Variants in N4BP1 observed in about 807,000 individuals in gnomAD.
N4BP1 encodes the protein NEDD4 binding protein 1.
A neutral mutation model predicts 70.9 loss-of-function variants in N4BP1; 21 were observed. The observed-to-expected ratio is 0.30, with a 90% CI of 0.21 to 0.43. The LOEUF (loss-of-function observed/expected upper bound fraction) is 0.43, where lower values mean the gene tolerates loss of function less well. Ranked by LOEUF, N4BP1 falls within the 20% of genes least tolerant of loss-of-function variation. The pLI, the probability that N4BP1 is intolerant of heterozygous loss-of-function variation, is 1.00. For missense variants in N4BP1, 936 were observed against 1,069.4 expected (o/e 0.88, Z 1.74); for synonymous variants, 387 against 394.6 (o/e 0.98, Z 0.23).
At chr16:48,608,306 A>G (rs1964616331) in intron 1 of N4BP1, among the ~76,000 whole-genome samples, 1 of 152,046 alleles carries the variant, frequency 6.6e-6, no homozygotes. Flanking sequence ...CCCGGCCTAC[A>G]ATGTTTTAAG....
At chr16:48,543,491 A>G (rs867933976) in intron 6 of N4BP1, among the ~76,000 whole-genome samples, 4 of 152,170 alleles carry the variant, frequency 2.6e-5, no homozygotes, top group African/African-American at 9.7e-5. Flanking sequence ...AATGCGCTCT[A>G]TGAGGGAGCA....
intron 4 of N4BP1, among the ~76,000 whole-genome samples, chr16:48,549,785 C>A (rs1042116403): frequency 6.6e-6 from 1 of 152,166 alleles, no homozygotes; most frequent in Non-Finnish European, 1.5e-5. Context: ...CTGCCCAGGC[C>A]CTCTTTTCAT....
At position 48,561,825 on chromosome 16, in the gene N4BP1, T is replaced by C; in HGVS notation, c.818A>G (p.Glu273Gly). The change falls in exon 2 of 7, where the codon GAA becomes GGA. Residue 273 changes from glutamate to glycine, a missense_variant. Transcript: ENST00000262384. ...AATTCTCTCATTGGAAAGTGCCTCT[T>C]CATCTGGGGTTAGACCATTTATTGG... Reference protein sequence around the residue: ...FDPINGLTPDEEALSNERICQ... With the variant: ...FDPINGLTPDGEALSNERICQ... 9.9e-6 allele frequency: 16 copies of C among 1,613,794 alleles called. No homozygotes were observed. Among genetic ancestry groups the C allele is most frequent in the Non-Finnish European group, 1.3e-5 (15 of 1,179,874 alleles).
At chr16:48,577,762 A>T (rs923665774) in intron 1 of N4BP1, 2 of 166,060 alleles carry the variant, frequency 1.2e-5, no homozygotes, top group African/African-American at 4.8e-5. Flanking sequence ...ACCAGCCACC[A>T]GCAGCAGCTT....
At chr16:48,602,327 T>G (rs1964514717) in intron 1 of N4BP1, among the ~76,000 whole-genome samples, 1 of 152,204 alleles carries the variant, frequency 6.6e-6, no homozygotes, top group Non-Finnish European at 1.5e-5. Flanking sequence ...CCCCTACAAT[T>G]TTGTTCTTGA....
At chr16:48,607,469 G>C (rs919945569) in intron 1 of N4BP1, among the ~76,000 whole-genome samples, 3 of 152,212 alleles carry the variant, frequency 2.0e-5, no homozygotes, top group Non-Finnish European at 4.4e-5. Context: ...GGCTGAATGA[G>C]ACAGGTGACA....
intron 6 of N4BP1, among the ~76,000 whole-genome samples, chr16:48,544,245 T>C (rs919177230): frequency 2.0e-4 from 30 of 152,128 alleles, no homozygotes; most frequent in Non-Finnish European, 1.3e-4. Context: ...AAAAGAGAAA[T>C]GATTCACAAG....
In N4BP1 at chr16:48,604,320, G is replaced by A. The variant is rs191831252; in HGVS notation, c.198+5455C>T. On this transcript the variant is annotated intron_variant, in intron 1 of 6. Transcript: ENST00000262384. Reference sequence around the variant, plus strand: ...AATCCTAGCACTTTGGGATGCTGAGGTGGGAGGATCATTTGAGCTCGGGAA... The same window carrying A: ...AATCCTAGCACTTTGGGATGCTGAGATGGGAGGATCATTTGAGCTCGGGAA... Among the ~76,000 whole-genome samples, 152 of 152,216 alleles carry A rather than the reference G, an allele frequency of 1.0e-3. 1 individual carries two copies. The highest frequency in any genetic ancestry group is 1.6e-3 in the Non-Finnish European group (110 of 68,002).
chr16:48,561,056 C>T lies in N4BP1; in HGVS notation c.1587G>A (p.Gln529=). The T allele has an allele frequency of 6.2e-7, 1 of 1,613,966 alleles. No homozygotes were observed. Among genetic ancestry groups the T allele is most frequent in the Non-Finnish European group, 8.5e-7 (1 of 1,179,878 alleles). The change falls in exon 2 of 7, where the codon CAG becomes CAA. Residue 529 remains glutamine, a synonymous_variant. Transcript: ENST00000262384. ...TATTATTTGGAAGCAAGGGTTCTGG[C>T]TGCTGGTGTAAACCATTTTCAGGAA... ...PLFPENGLHQ[Q]PEPLLPNNMK...
chr16:48,573,667 G>A (rs1025856067), intron 1 of N4BP1, among the ~76,000 whole-genome samples: 4 of 152,022 alleles, frequency 2.6e-5, no homozygotes, highest in Admixed American at 2.0e-4. Flanking sequence ...AAGGGGTACC[G>A]ACACTCCCCC....
intron 5 of N4BP1, among the ~76,000 whole-genome samples, chr16:48,546,968 A>G (rs758792637): frequency 6.6e-6 from 1 of 152,252 alleles, no homozygotes; most frequent in Non-Finnish European, 1.5e-5. Flanking sequence ...CAAGATTAGT[A>G]GCTCATTAAC....
chr16:48,606,380 T>C (rs1308803775), intron 1 of N4BP1, among the ~76,000 whole-genome samples: 1 of 152,190 alleles, frequency 6.6e-6, no homozygotes, highest in Non-Finnish European at 1.5e-5. Flanking sequence ...TCACTGACTA[T>C]TAAATAAGGT....
At chr16:48,568,665 A>G (rs543607805) in intron 1 of N4BP1, among the ~76,000 whole-genome samples, 2 of 152,380 alleles carry the variant, frequency 1.3e-5, no homozygotes, top group East Asian at 3.9e-4. Flanking sequence ...CAAACTGAGA[A>G]TAGAAGAAAA....
Position 48,540,175 on chromosome 16 carries a change from T to G in N4BP1, c.*2729A>C, listed in dbSNP as rs79562236. On this transcript the variant is annotated 3_prime_UTR_variant, in exon 7 of 7. Transcript: ENST00000262384. ...GGCGGGAGGCGTGGGTCAGAGACACTGCAGGAACTGGGTGAGGACAAGGAG... is the reference window on the plus strand; with the variant it reads ...GGCGGGAGGCGTGGGTCAGAGACACGGCAGGAACTGGGTGAGGACAAGGAG... 0.029 allele frequency: 4,402 copies of G among 152,444 alleles called. 194 individuals carry two copies. The highest frequency in any genetic ancestry group is 0.098 in the African/African-American group (4,059 of 41,442). 9.4% of individuals were successfully genotyped at this position (152,444 alleles called of 1,614,324 possible).
chr16:48,596,481 A>G (rs772791972), intron 1 of N4BP1, among the ~76,000 whole-genome samples: 29 of 152,230 alleles, frequency 1.9e-4, no homozygotes, highest in Non-Finnish European at 4.0e-4. Flanking sequence ...GAAAGCAGCC[A>G]GAGTGACTGA....
At chr16:48,585,988 G>A (rs929087394) in intron 1 of N4BP1, among the ~76,000 whole-genome samples, 5 of 152,110 alleles carry the variant, frequency 3.3e-5, no homozygotes, top group South Asian at 2.1e-4. Context: ...GAGCCACTGC[G>A]CCCGGCCAAA....
Position 48,551,375 on chromosome 16 carries a change from G to A in N4BP1, c.2117+11C>T. On this transcript the variant is annotated intron_variant, in intron 4 of 6. Transcript: ENST00000262384. ...CACTCCAACCTTAGGAAGGAGAATG[G>A]CCTTTCATACCTGTCATCATGAGAA... 6.2e-7 allele frequency: 1 copy of A among 1,609,000 alleles called. No individual in the cohort carries two copies.
intron 1 of N4BP1, among the ~76,000 whole-genome samples, chr16:48,573,496 G>C (rs1203520952): frequency 1.3e-5 from 2 of 152,166 alleles, no homozygotes; most frequent in African/African-American, 4.8e-5. Context: ...AGGAGGCTGA[G>C]GCAGGAGAAT....
At chr16:48,595,026 T>A (rs1964390125) in intron 1 of N4BP1, among the ~76,000 whole-genome samples, 1 of 151,972 alleles carries the variant, frequency 6.6e-6, no homozygotes. Context: ...GGCATTAGAA[T>A]AAAAAAAACT....
Sources: allele counts gnomAD v4.1 joint callset (sites outside exome capture counted in the v4.1 genomes callset), GRCh38; gene constraint gnomAD v4.1.1; transcripts MANE v1.5; gene names NCBI Gene and HGNC (gene_info 2026-07-23, HGNC 2026-07-21).